Variants in EPHB1 observed in about 807,000 individuals in gnomAD.
EPHB1 encodes the protein ephrin type-B receptor 1.
Under a neutral mutation model 94.4 loss-of-function variants are expected in EPHB1, and 30 were observed. That is an observed-to-expected ratio of 0.32 (90% CI 0.24 to 0.43). The LOEUF is 0.43. Ranked by LOEUF, EPHB1 falls within the 20% of genes least tolerant of loss-of-function variation. The pLI is 1.00. For missense variants in EPHB1, 1,055 were observed against 1,308.3 expected, an observed-to-expected ratio of 0.81 and a Z score of 2.99; for synonymous variants, 522 against 489.1, an observed-to-expected ratio of 1.07 and a Z score of -0.89.
intron 3 of EPHB1, among the ~76,000 whole-genome samples, chr3:135,008,175 A>G (rs988780194): frequency 3.9e-5 from 6 of 152,234 alleles, no homozygotes; most frequent in African/African-American, 1.2e-4. Flanking sequence ...CATGGAACAG[A>G]AAGAAGAGAG....
intron 5 of EPHB1, among the ~76,000 whole-genome samples, chr3:135,152,906 T>C (rs551783524): frequency 6.6e-6 from 1 of 152,158 alleles, no homozygotes; most frequent in East Asian, 1.9e-4. Flanking sequence ...AGGTCTCTAA[T>C]GGGAACAGGG....
At chr3:135,046,407 A>T (rs1937001283) in intron 3 of EPHB1, among the ~76,000 whole-genome samples, 1 of 152,168 alleles carries the variant, frequency 6.6e-6, no homozygotes, top group Non-Finnish European at 1.5e-5. Context: ...ACAGGGCAGT[A>T]TATGTTTGGT....
At chr3:134,956,756 C>A (rs1297004427) in intron 3 of EPHB1, among the ~76,000 whole-genome samples, 1 of 152,158 alleles carries the variant, frequency 6.6e-6, no homozygotes, top group Non-Finnish European at 1.5e-5. Context: ...TAAGCCATGC[C>A]ATGCTACATA....
At chr3:134,945,798 A>G (rs753631702) in intron 2 of EPHB1, among the ~76,000 whole-genome samples, 2 of 152,222 alleles carry the variant, frequency 1.3e-5, no homozygotes, top group Admixed American at 6.5e-5. Context: ...GAAGATCTTT[A>G]GGAAACTGAC....
intron 6 of EPHB1, among the ~76,000 whole-genome samples, chr3:135,161,331 G>C (rs761576104): frequency 6.6e-6 from 1 of 152,126 alleles, no homozygotes; most frequent in Non-Finnish European, 1.5e-5. Context: ...AGGACACAGG[G>C]GCTGCTCTGC....
chr3:134,898,420 C>A (rs955719853), intron 1 of EPHB1, among the ~76,000 whole-genome samples: 2 of 152,122 alleles, frequency 1.3e-5, no homozygotes, highest in African/African-American at 4.8e-5. Flanking sequence ...AGGAGGAGAG[C>A]CTGACCTCCT....
At chr3:135,002,386 T>A (rs1935217461) in intron 3 of EPHB1, among the ~76,000 whole-genome samples, 1 of 152,234 alleles carries the variant, frequency 6.6e-6, no homozygotes, top group South Asian at 2.1e-4. Flanking sequence ...TCAATGTTCA[T>A]CAAGGATATT....
chr3:135,197,201 G>T (rs6766459), intron 11 of EPHB1, among the ~76,000 whole-genome samples: 104,548 of 152,054 alleles, frequency 0.69, 36,517 homozygotes, highest in African/African-American at 0.83. Flanking sequence ...CTTGACATGC[G>T]CCATAAGGCC....
chr3:134,860,150 G>GACACACACACACACACAC (rs10642036), intron 1 of EPHB1, among the ~76,000 whole-genome samples: 4 of 142,920 alleles, frequency 2.8e-5, no homozygotes, highest in East Asian at 2.1e-4. Flanking sequence ...AGAAGGAAGG[G>GACACACACACACACACAC]ACACACACAC....
intron 10 of EPHB1, among the ~76,000 whole-genome samples, chr3:135,182,956 T>G (rs1193927763): frequency 6.6e-6 from 1 of 150,932 alleles, no homozygotes; most frequent in African/African-American, 2.4e-5. Flanking sequence ...TGTTTGTTCT[T>G]TCGTTTCTTT....
chr3:135,245,897 C>G (rs558567855), intron 13 of EPHB1, among the ~76,000 whole-genome samples: 3 of 150,858 alleles, frequency 2.0e-5, no homozygotes, highest in African/African-American at 7.3e-5. Context: ...TACATTCGGT[C>G]TAGAGCTCAC....
intron 1 of EPHB1, among the ~76,000 whole-genome samples, chr3:134,848,586 A>G (rs1032013299): frequency 6.6e-6 from 1 of 152,236 alleles, no homozygotes; most frequent in Non-Finnish European, 1.5e-5. Flanking sequence ...CATTAGATTA[A>G]TATTGACAAT....
intron 1 of EPHB1, among the ~76,000 whole-genome samples, chr3:134,865,226 A>G (rs2037349640): frequency 6.6e-6 from 1 of 151,942 alleles, no homozygotes. Flanking sequence ...TTCTCCTTTG[A>G]TTATATTATA....
Position 134,951,800 on chromosome 3 carries a change from T to A in EPHB1, c.553T>A (p.Ser185Thr), listed in dbSNP as rs373971290. ...TTTTCAGGATTATGGAGCCTGTATG[T>A]CTCTTCTTTCTGTCCGTGTCTTCTT... is the stretch of plus-strand genomic sequence containing the variant. Reference protein sequence around the residue: ...LAFQDYGACMSLLSVRVFFKK... With the variant: ...LAFQDYGACMTLLSVRVFFKK... Residue 185 changes from serine (S) to threonine (T), a missense_variant, in exon 3 of 16, where the codon TCT becomes ACT. Transcript: ENST00000398015. The surrounding 1 kb of genome is among the most constrained non-coding windows in gnomAD (Gnocchi z 4.5). 6.2e-7 allele frequency: 1 copy of A among 1,614,050 alleles called. No individual in the cohort carries two copies. Among genetic ancestry groups the A allele is most frequent in the South Asian group, 1.1e-5 (1 of 91,088 alleles).
At chr3:135,183,115 A>G (rs1255017485) in intron 10 of EPHB1, among the ~76,000 whole-genome samples, 2 of 136,952 alleles carry the variant, frequency 1.5e-5, no homozygotes, top group East Asian at 4.3e-4. Flanking sequence ...TCTTCTTGAC[A>G]TCAATCATAG....
chr3:135,063,420 T>G (rs945238251), intron 3 of EPHB1, among the ~76,000 whole-genome samples: 4 of 152,160 alleles, frequency 2.6e-5, no homozygotes, highest in African/African-American at 9.7e-5. Context: ...TTATGTATAC[T>G]CCTAAGTATT....
chr3:135,170,856 G>T (rs1941785229), intron 9 of EPHB1, among the ~76,000 whole-genome samples: 2 of 152,278 alleles, frequency 1.3e-5, no homozygotes, highest in African/African-American at 4.8e-5. Context: ...CTTGTTAAGG[G>T]GTTTAGGGTC....
intron 3 of EPHB1, among the ~76,000 whole-genome samples, chr3:134,952,821 G>A (rs971292351): frequency 6.6e-6 from 1 of 152,166 alleles, no homozygotes; most frequent in Non-Finnish European, 1.5e-5. Flanking sequence ...CAATAAATGT[G>A]CTGAACTGGC....
At chr3:134,926,775 A>T (rs1403499443) in intron 2 of EPHB1, among the ~76,000 whole-genome samples, 1 of 152,222 alleles carries the variant, frequency 6.6e-6, no homozygotes, top group African/African-American at 2.4e-5. Context: ...AAATGGTCAC[A>T]CTTGTTGACA....
Sources: gnomAD v4.1 joint callset for allele counts (sites outside exome capture counted in the v4.1 genomes callset) on GRCh38, gnomAD v4.1.1 for gene constraint, Gnocchi (gnomAD v3.1) non-coding constraint, MANE v1.5 for transcripts, NCBI Gene and HGNC (gene_info 2026-07-23, HGNC 2026-07-21) for gene names.